The following NCAPG2 variants were observed in gnomAD, a reference collection of about 807,000 sequenced individuals.
NCAPG2 encodes the protein condensin-2 complex subunit G2.
Under a neutral mutation model 141.1 loss-of-function variants are expected in NCAPG2, and 53 were observed. The ratio of observed to expected loss-of-function variants is 0.38; its 90% CI spans 0.30 to 0.47. NCAPG2 has a LOEUF of 0.47. Ranked by LOEUF, NCAPG2 falls within the 20% of genes least tolerant of loss-of-function variation. The pLI is 0.99. For synonymous variants in NCAPG2, 499 were observed against 490.7 expected (o/e 1.02, Z -0.22); for missense variants, 1,087 against 1,389.0 (o/e 0.78, Z 3.46).
At chr7:158,639,327 C>G (rs766545370) in intron 27 of NCAPG2, among the ~76,000 whole-genome samples, 2 of 152,034 alleles carry the variant, frequency 1.3e-5, no homozygotes, top group Non-Finnish European at 2.9e-5. Context: ...AGGCTGGTTG[C>G]GAACTCCTAG....
At chr7:158,651,803 T>C (rs1237914864) in intron 23 of NCAPG2, among the ~76,000 whole-genome samples, 1 of 152,222 alleles carries the variant, frequency 6.6e-6, no homozygotes, top group African/African-American at 2.4e-5. Context: ...AAGGTTAACA[T>C]AGGACAGGGA....
chr7:158,688,172 C>T (rs1263003653), intron 6 of NCAPG2, among the ~76,000 whole-genome samples: 2 of 48,076 alleles, frequency 4.2e-5, no homozygotes, highest in Admixed American at 3.2e-4. Context: ...TCACAACAGG[C>T]AAGTTAAAAA....
chr7:158,647,188 T>A (rs1484785277), intron 24 of NCAPG2, among the ~76,000 whole-genome samples: 1 of 152,214 alleles, frequency 6.6e-6, no homozygotes, highest in Non-Finnish European at 1.5e-5. Context: ...TTTAACATTG[T>A]ACTCCTGTCT....
At chr7:158,651,159 A>G (rs1211820160) in intron 23 of NCAPG2, among the ~76,000 whole-genome samples, 187 bp from the exon 24 acceptor site, 1 of 152,142 alleles carries the variant, frequency 6.6e-6, no homozygotes, top group East Asian at 1.9e-4. Flanking sequence ...CCTATGCACC[A>G]CGGCCAGAAG....
In NCAPG2 at chr7:158,683,339, G is replaced by T. The variant is rs778247482; in HGVS notation, c.885C>A (p.His295Gln). The T allele has an allele frequency of 2.0e-5, 32 of 1,606,976 alleles. No individual in the cohort carries two copies. Among genetic ancestry groups the T allele is most frequent in the Non-Finnish European group, 2.6e-5 (31 of 1,177,252 alleles). Residue 295 changes from histidine to glutamine, a missense_variant, in exon 9 of 28, where the codon CAC becomes CAA. Transcript: ENST00000356309. ...AATGCACTGGAGACCTCCTCGGAAGGTGTATCCCGTGGAACATGAAGTCCT... is the reference window on the plus strand; with the variant it reads ...AATGCACTGGAGACCTCCTCGGAAGTTGTATCCCGTGGAACATGAAGTCCT... ...CIQDFMFHGI[H>Q]LPRRSPVHSK...
chr7:158,667,521 C>T (rs1333052035), intron 13 of NCAPG2, among the ~76,000 whole-genome samples: 3 of 75,222 alleles, frequency 4.0e-5, no homozygotes, highest in African/African-American at 6.1e-5. Context: ...TCCCTCCGCC[C>T]TCCTTACCTA....
chr7:158,659,671 T>C (rs781614413), intron 16 of NCAPG2, among the ~76,000 whole-genome samples: 4 of 152,166 alleles, frequency 2.6e-5, no homozygotes, highest in Non-Finnish European at 5.9e-5. Context: ...AATGAGGACA[T>C]GGTGAATCCT....
intron 11 of NCAPG2, 30 bp downstream of exon 11, chr7:158,679,930 G>A (rs1254736526): frequency 1.9e-6 from 3 of 1,610,928 alleles, no homozygotes; most frequent in Admixed American, 3.3e-5. Context: ...GCTGATATCT[G>A]TAAGAAGCTT....
At position 158,692,823 on chromosome 7, in the gene NCAPG2, T is replaced by G. The variant is rs1345922171; in HGVS notation, c.382+19A>C. Reference sequence around the variant, plus strand: ...AACACCCACTTCTAAATATGCCATTTATAACAAAATCAACTCACCATTTAA... The same window carrying G: ...AACACCCACTTCTAAATATGCCATTGATAACAAAATCAACTCACCATTTAA... On this transcript the variant is annotated intron_variant, in intron 4 of 27. Transcript: ENST00000356309. 3 of 1,367,084 alleles carry G rather than the reference T, an allele frequency of 2.2e-6. No individual in the cohort carries two copies. The highest frequency in any genetic ancestry group is 3.1e-6 in the Non-Finnish European group (3 of 968,526). 84.7% of individuals were successfully genotyped at this position (1,367,084 alleles called of 1,614,324 possible).
At chr7:158,694,434 T>C (rs996279532) in intron 2 of NCAPG2, among the ~76,000 whole-genome samples, 3 of 152,140 alleles carry the variant, frequency 2.0e-5, no homozygotes, top group Non-Finnish European at 2.9e-5. Context: ...GACATTACAG[T>C]GTCACCACTT....
At chr7:158,649,440 G>A (rs1038257698) in intron 24 of NCAPG2, among the ~76,000 whole-genome samples, 8 of 152,146 alleles carry the variant, frequency 5.3e-5, no homozygotes, top group African/African-American at 9.7e-5. Context: ...GAAAAAACAC[G>A]GCAAATGGGC....
At chr7:158,645,731 A>G in intron 25 of NCAPG2, 112 bp from the exon 26 acceptor site, 1 of 921,582 alleles carries the variant, frequency 1.1e-6, no homozygotes, top group Admixed American at 2.1e-5. Context: ...TTTGCAGGGG[A>G]CGTGGGAAGG....
chr7:158,694,537 G>A lies in NCAPG2; in HGVS notation c.79-1040C>T, dbSNP rs372626300. The stretch of plus-strand genomic sequence containing the variant: ...GCCATGCGCTTCCTGTCTTGACAGC[G>A]CCGAGGACCTAACACTGCTAAGCAG... On this transcript the variant is annotated intron_variant, in intron 2 of 27. Transcript: ENST00000356309. Among the ~76,000 whole-genome samples, 5 of 152,132 alleles carry A rather than the reference G, an allele frequency of 3.3e-5. No homozygotes were observed. The East Asian group carries it at 5.8e-4, about 18-fold the overall frequency.
chr7:158,679,285 T>C (rs533344729), intron 11 of NCAPG2, among the ~76,000 whole-genome samples: 3 of 152,222 alleles, frequency 2.0e-5, no homozygotes, highest in Non-Finnish European at 4.4e-5. Context: ...CATTGTTTCC[T>C]AAAACTTTAC....
Position 158,631,521 on chromosome 7 carries a change from C to T in NCAPG2, c.*145G>A. ...AGTTTTGAGTTATCTCCTCCATAACCCCCACCTTCCCACATTCCCACAAAA... is the reference window on the plus strand; with the variant it reads ...AGTTTTGAGTTATCTCCTCCATAACTCCCACCTTCCCACATTCCCACAAAA... On this transcript the variant is annotated 3_prime_UTR_variant, in exon 28 of 28. Coordinates refer to ENST00000356309, the MANE Select transcript of NCAPG2 (RefSeq NM_017760.7). The T allele has an allele frequency of 1.3e-6, 1 of 797,944 alleles. No homozygotes were observed. The highest frequency in any genetic ancestry group is 2.1e-6 in the Non-Finnish European group (1 of 468,912). 49.4% of individuals were successfully genotyped at this position (797,944 alleles called of 1,614,324 possible). A position where few individuals can be genotyped will look rare whatever the true frequency, so the allele number is the denominator to read the frequency against.
chr7:158,686,324 C>T (rs1834751894), intron 7 of NCAPG2, 83 bp from the exon 8 acceptor site: 5 of 774,814 alleles, frequency 6.5e-6, no homozygotes, highest in Middle Eastern at 2.4e-4. Flanking sequence ...ACTCTCCAAC[C>T]ATAGTGAAGA....
intron 17 of NCAPG2, among the ~76,000 whole-genome samples, chr7:158,657,783 A>G (rs889239371): frequency 6.6e-6 from 1 of 152,084 alleles, no homozygotes; most frequent in Non-Finnish European, 1.5e-5. Context: ...TAGACATGGG[A>G]GACTTTTCAT....
chr7:158,694,409 C>A (rs1011929147), intron 2 of NCAPG2, among the ~76,000 whole-genome samples: 1 of 152,146 alleles, frequency 6.6e-6, no homozygotes, highest in Admixed American at 6.5e-5. Context: ...TGGGTGGAAG[C>A]CTGGTGAGCA....
chr7:158,665,944 G>C (rs1433575329), intron 13 of NCAPG2, among the ~76,000 whole-genome samples: 1 of 152,158 alleles, frequency 6.6e-6, no homozygotes, highest in African/African-American at 2.4e-5. Flanking sequence ...AGTTACTGTA[G>C]TAAGGACAAT....
Sources: allele counts gnomAD v4.1 joint callset (sites outside exome capture counted in the v4.1 genomes callset), GRCh38; gene constraint gnomAD v4.1.1; transcripts MANE v1.5; gene names NCBI Gene and HGNC (gene_info 2026-07-23, HGNC 2026-07-21).